The following SLC24A2 variants were observed in gnomAD, a reference collection of about 807,000 sequenced individuals.
SLC24A2 encodes the protein sodium/potassium/calcium exchanger 2.
Under a neutral mutation model 62.0 loss-of-function variants are expected in SLC24A2, and 36 were observed. The ratio of observed to expected loss-of-function variants is 0.58; its 90% CI spans 0.44 to 0.77. The LOEUF (loss-of-function observed/expected upper bound fraction) is 0.77. SLC24A2 is among the 30% of genes least tolerant of loss of function. The pLI is 0.00. For synonymous variants in SLC24A2, 358 were observed against 294.0 expected, an observed-to-expected ratio of 1.22 and a Z score of -2.23; for missense variants, 846 against 817.9, an observed-to-expected ratio of 1.03 and a Z score of -0.42.
At position 19,529,708 on chromosome 9, in the gene SLC24A2, AT is replaced by A. The variant is rs557529642; in HGVS notation, c.1480-1571del. ...AGCGCTTTAATGGGTAATGGGGGAA[AT>A]AAAAAGGTAATCATTTTTTTAAAGT... On this transcript the variant is annotated intron_variant, in intron 8 of 10. Coordinates refer to ENST00000341998, the MANE Select transcript of SLC24A2 (RefSeq NM_020344.4). Among the ~76,000 whole-genome samples the A allele has an allele frequency of 4.8e-4, 73 of 151,802 alleles. No homozygotes were observed. The South Asian group carries it at 0.013, about 27-fold the overall frequency.
chr9:19,637,922 A>C (rs10811219), intron 2 of SLC24A2, among the ~76,000 whole-genome samples: 103,528 of 152,084 alleles, frequency 0.68, 35,854 homozygotes, highest in East Asian at 0.86. Context: ...ATTGGGGGGT[A>C]GTTTGCTTGC....
intron 5 of SLC24A2, among the ~76,000 whole-genome samples, chr9:19,586,226 T>C (rs993588223): frequency 2.0e-5 from 3 of 152,156 alleles, no homozygotes; most frequent in Non-Finnish European, 2.9e-5. Context: ...CTCAGAAGTG[T>C]TTCACTGACG....
At chr9:19,521,194 G>A in intron 9 of SLC24A2, 134 bp from the exon 10 acceptor site, 2 of 801,890 alleles carry the variant, frequency 2.5e-6, no homozygotes, top group Non-Finnish European at 4.3e-6. Context: ...TGATAAAGAT[G>A]AATAAGCCAC....
the SLC24A2 span, among the ~76,000 whole-genome samples, chr9:20,278,072 G>A: frequency 4.6e-5 from 7 of 151,760 alleles, no homozygotes; most frequent in Admixed American, 2.0e-4. Context: ...AACATCACAC[G>A]CCAGGGTCTG....
chr9:19,527,994 G>T (rs575735007), intron 9 of SLC24A2, 55 bp downstream of exon 9: 2 of 1,081,036 alleles, frequency 1.9e-6, no homozygotes, highest in African/African-American at 1.6e-5. Flanking sequence ...TTAAACACTT[G>T]ACAATCAGGA....
the SLC24A2 span, among the ~76,000 whole-genome samples, chr9:20,101,744 T>A: frequency 6.6e-6 from 1 of 151,862 alleles, no homozygotes; most frequent in Admixed American, 6.6e-5. Flanking sequence ...CTGAAAAAAA[T>A]GTTTTTTTTA....
At chr9:20,274,736 T>G in the SLC24A2 span, among the ~76,000 whole-genome samples, 1,084 of 152,256 alleles carry the variant, frequency 7.1e-3, 10 homozygotes, top group African/African-American at 0.025. Context: ...GCTTTGTCCC[T>G]CTTTGTCCCC....
At chr9:20,019,077 G>C in the SLC24A2 span, among the ~76,000 whole-genome samples, 1 of 104,012 alleles carries the variant, frequency 9.6e-6, no homozygotes, top group Non-Finnish European at 1.8e-5. Flanking sequence ...AAGAAACAGA[G>C]AAAGAGAGAA....
At chr9:19,947,717 G>T in the SLC24A2 span, among the ~76,000 whole-genome samples, 3 of 149,456 alleles carry the variant, frequency 2.0e-5, no homozygotes, top group African/African-American at 7.4e-5. Flanking sequence ...CGTGAACCTG[G>T]GAGGCAGAGC....
intron 5 of SLC24A2, among the ~76,000 whole-genome samples, chr9:19,583,765 G>A (rs1836278695): frequency 6.6e-6 from 1 of 152,156 alleles, no homozygotes; most frequent in African/African-American, 2.4e-5. Context: ...GAAGGCAGGG[G>A]AGACACATCA....
At chr9:20,002,456 T>A in the SLC24A2 span, among the ~76,000 whole-genome samples, 1 of 150,958 alleles carries the variant, frequency 6.6e-6, no homozygotes, top group East Asian at 2.0e-4. Context: ...ACTCAGGGTA[T>A]AATCAGGCAT....
At chr9:20,284,279 G>GT in the SLC24A2 span, among the ~76,000 whole-genome samples, 1 of 115,852 alleles carries the variant, frequency 8.6e-6, no homozygotes, top group Non-Finnish European at 1.7e-5. Context: ...GTGTTTTCAG[G>GT]TATTTTTTTT....
chr9:19,723,445 CATTCT>C (rs1821084842), intron 2 of SLC24A2, among the ~76,000 whole-genome samples: 1 of 152,074 alleles, frequency 6.6e-6, no homozygotes, highest in Non-Finnish European at 1.5e-5. Context: ...GTATTCCAAC[CATTCT>C]ATCATATTCC....
the SLC24A2 span, among the ~76,000 whole-genome samples, chr9:20,056,889 AC>A: frequency 1.2e-4 from 18 of 151,866 alleles, no homozygotes; most frequent in African/African-American, 4.1e-4. Context: ...AATTTAAAAA[AC>A]CCCTCTCTTT....
At chr9:19,762,448 C>T (rs1480088866) in intron 2 of SLC24A2, among the ~76,000 whole-genome samples, 5 of 152,118 alleles carry the variant, frequency 3.3e-5, no homozygotes, top group African/African-American at 4.8e-5. Flanking sequence ...TTAGGTCTTA[C>T]GTTTAAGTCT....
chr9:20,184,691 G>C, the SLC24A2 span, among the ~76,000 whole-genome samples: 1 of 152,174 alleles, frequency 6.6e-6, no homozygotes, highest in Non-Finnish European at 1.5e-5. Flanking sequence ...GAACAGTATG[G>C]AGGGTCCTCA....
At chr9:19,638,833 C>T (rs1285005654) in intron 2 of SLC24A2, among the ~76,000 whole-genome samples, 1 of 152,068 alleles carries the variant, frequency 6.6e-6, no homozygotes, top group South Asian at 2.1e-4. Context: ...CCTACAGGCA[C>T]TCAATAAACA....
At chr9:19,906,824 G>T in the SLC24A2 span, among the ~76,000 whole-genome samples, 1 of 152,158 alleles carries the variant, frequency 6.6e-6, no homozygotes, top group African/African-American at 2.4e-5. Context: ...TGAAATTGAG[G>T]CAATAATTAA....
At chr9:20,202,912 T>G in the SLC24A2 span, among the ~76,000 whole-genome samples, 3 of 152,248 alleles carry the variant, frequency 2.0e-5, no homozygotes, top group African/African-American at 7.2e-5. Context: ...AAAATTTTAA[T>G]TTAGCAAACA....
Sources: allele counts gnomAD v4.1 joint callset (sites outside exome capture counted in the v4.1 genomes callset), GRCh38; gene constraint gnomAD v4.1.1; transcripts MANE v1.5; gene names NCBI Gene and HGNC (gene_info 2026-07-23, HGNC 2026-07-21).